Variants in PCSK2 observed in about 807,000 individuals in gnomAD.
The protein encoded by PCSK2 is proprotein convertase subtilisin/kexin type 2.
PCSK2 carries 14 observed loss-of-function variants against 69.7 expected under a neutral mutation model. The observed-to-expected ratio is 0.20, with a 90% CI of 0.13 to 0.31. The LOEUF (loss-of-function observed/expected upper bound fraction) is 0.31, where lower values mean the gene tolerates loss of function less well. Among genes scored for constraint, PCSK2 ranks in the 10% least tolerant of loss-of-function variants. The pLI, the probability that PCSK2 is intolerant of heterozygous loss-of-function variation, is 1.00. For synonymous variants in PCSK2, 307 were observed against 320.7 expected, an observed-to-expected ratio of 0.96 and a Z score of 0.46; for missense variants, 544 against 842.5, an observed-to-expected ratio of 0.65 and a Z score of 4.39.
chr20:17,353,089 A>G (rs1463180141), intron 2 of PCSK2, among the ~76,000 whole-genome samples: 4 of 152,228 alleles, frequency 2.6e-5, no homozygotes, highest in Non-Finnish European at 4.4e-5. Flanking sequence ...AAAATACTCA[A>G]TATCACTAAT....
intron 11 of PCSK2, among the ~76,000 whole-genome samples, chr20:17,476,053 T>C (rs1466602681): frequency 6.6e-6 from 1 of 152,250 alleles, no homozygotes; most frequent in Non-Finnish European, 1.5e-5. Flanking sequence ...GCCTGGCTGC[T>C]TGTCTGCCTA....
intron 2 of PCSK2, among the ~76,000 whole-genome samples, chr20:17,282,386 T>A (rs1988349392): frequency 6.6e-6 from 1 of 152,202 alleles, no homozygotes; most frequent in Admixed American, 6.5e-5. Context: ...CCATTTGCAC[T>A]GAGTCCTCTG....
At chr20:17,228,235 C>G (rs1429238377) in intron 1 of PCSK2, 3 of 152,386 alleles carry the variant, frequency 2.0e-5, no homozygotes, top group African/African-American at 7.2e-5. Flanking sequence ...GCCAGCCTGG[C>G]TTTCCCACTA....
At chr20:17,306,841 T>C (rs1989342279) in intron 2 of PCSK2, among the ~76,000 whole-genome samples, 1 of 152,170 alleles carries the variant, frequency 6.6e-6, no homozygotes. Flanking sequence ...TAATCACAAC[T>C]CTTTTGCCAT....
At chr20:17,235,719 G>T (rs879932860) in intron 1 of PCSK2, among the ~76,000 whole-genome samples, 8 of 152,230 alleles carry the variant, frequency 5.3e-5, no homozygotes, top group African/African-American at 1.9e-4. Context: ...TTTGTTGAAT[G>T]AATTACTTGA....
chr20:17,386,216 T>C (rs1366381527), intron 5 of PCSK2, among the ~76,000 whole-genome samples: 1 of 152,160 alleles, frequency 6.6e-6, no homozygotes, highest in Admixed American at 6.5e-5. Context: ...GCTATGTACA[T>C]TATAAAGCAT....
intron 2 of PCSK2, among the ~76,000 whole-genome samples, chr20:17,320,642 A>G (rs1444034395): frequency 1.3e-5 from 2 of 152,190 alleles, no homozygotes; most frequent in Admixed American, 6.5e-5. Context: ...TCATCCACCC[A>G]ATGGGAAGAA....
chr20:17,430,950 C>T (rs1013881658), intron 7 of PCSK2, among the ~76,000 whole-genome samples: 52 of 152,278 alleles, frequency 3.4e-4, no homozygotes, highest in African/African-American at 1.2e-3. Flanking sequence ...TTTCCATCTC[C>T]TTCTTTTCCT....
chr20:17,243,704 G>A (rs1220250034), intron 1 of PCSK2, among the ~76,000 whole-genome samples: 1 of 152,192 alleles, frequency 6.6e-6, no homozygotes, highest in Non-Finnish European at 1.5e-5. Context: ...ATTTAAGACT[G>A]TGAACAGCGC....
At chr20:17,452,629 G>A (rs533282376) in intron 8 of PCSK2, among the ~76,000 whole-genome samples, 1 of 152,322 alleles carries the variant, frequency 6.6e-6, no homozygotes, top group East Asian at 1.9e-4. Context: ...TCCCTCTAGA[G>A]GGTAACCAAG....
In PCSK2 at chr20:17,453,694, C is replaced by T. The variant is rs1204366034; in HGVS notation, c.886-48C>T. 3.1e-6 allele frequency: 5 copies of T among 1,602,742 alleles called. No homozygotes were observed. Among genetic ancestry groups the T allele is most frequent in the Non-Finnish European group, 3.4e-6 (4 of 1,176,352 alleles). On this transcript the variant is annotated intron_variant, in intron 8 of 11. Transcript: ENST00000262545. The surrounding 1 kb of genome is among the most constrained non-coding windows in gnomAD (Gnocchi z 4.0). ...GGGCTGGAGACCTCCCCTGCCCCCT[C>T]GCAGCCCAGGCTGTGGGTAGCGGCA...
chr20:17,312,326 C>T (rs528653334), intron 2 of PCSK2, among the ~76,000 whole-genome samples: 1 of 152,248 alleles, frequency 6.6e-6, no homozygotes, highest in South Asian at 2.1e-4. Context: ...GAAGTAAATC[C>T]TCTTTTCCTT....
In PCSK2 at chr20:17,453,872, G is replaced by C; in HGVS notation, c.1016G>C (p.Arg339Thr). 8 of 1,614,260 alleles carry C rather than the reference G, an allele frequency of 5.0e-6. No homozygotes were observed. Among genetic ancestry groups the C allele is most frequent in the Non-Finnish European group, 6.8e-6 (8 of 1,180,056 alleles). The change falls in exon 9 of 12, where the codon AGG (arginine) becomes ACG (threonine). Residue 339 changes from arginine to threonine, a missense_variant. By Grantham distance (71) the Arg-to-Thr change is moderately conservative. This residue lies in a region of PCSK2 where 187 missense variants were observed against 399.8 expected (regional missense o/e 0.47). Transcript: ENST00000262545. The surrounding 1 kb of genome is among the most constrained non-coding windows in gnomAD (Gnocchi z 4.0). ...ATCAACTCAGCCATCAACGACGGCA[G>C]GACTGCCCTGTACGACGAGAGCTGC... ...ISINSAINDG[R>T]TALYDESCSS...
At chr20:17,340,718 GT>G (rs947814213) in intron 2 of PCSK2, among the ~76,000 whole-genome samples, 90 of 152,264 alleles carry the variant, frequency 5.9e-4, no homozygotes, top group African/African-American at 2.0e-3. Context: ...GCAGTGCAGT[GT>G]TTTTCCCTGA....
At chr20:17,316,001 G>A (rs551837539) in intron 2 of PCSK2, among the ~76,000 whole-genome samples, 51 of 152,292 alleles carry the variant, frequency 3.3e-4, no homozygotes, top group African/African-American at 1.2e-3. Context: ...TGCTGGGAGC[G>A]AGTGCGCCAC....
In PCSK2 at chr20:17,437,558, C is replaced by T. The variant is rs16999197; in HGVS notation, c.885+675C>T. Among the ~76,000 whole-genome samples the T allele has an allele frequency of 4.1e-3, 619 of 152,294 alleles. 3 individuals carry two copies. Among genetic ancestry groups the T allele is most frequent in the African/African-American group, 0.014 (596 of 41,556 alleles). On this transcript the variant is annotated intron_variant, in intron 8 of 11. Transcript: ENST00000262545. ...GACCAGAGGATTTCTGGGCTCCAGT[C>T]TATCAGGAAGTGACTTAGCCTCGCC...
chr20:17,232,962 G>A (rs1169012344), intron 1 of PCSK2, among the ~76,000 whole-genome samples: 1 of 152,148 alleles, frequency 6.6e-6, no homozygotes, highest in Non-Finnish European at 1.5e-5. Flanking sequence ...TTCATGTTGT[G>A]CCTTAGATCG....
intron 8 of PCSK2, among the ~76,000 whole-genome samples, chr20:17,447,451 C>T (rs2032721717): frequency 6.6e-6 from 1 of 152,090 alleles, no homozygotes; most frequent in African/African-American, 2.4e-5. Flanking sequence ...TTTTTACCCA[C>T]CAAATTGGCA....
chr20:17,387,265 T>C (rs2031260276), intron 5 of PCSK2, among the ~76,000 whole-genome samples: 1 of 152,220 alleles, frequency 6.6e-6, no homozygotes, highest in Admixed American at 6.5e-5. Flanking sequence ...AGTATATTAG[T>C]TACCTATTGC....
Sources: allele counts gnomAD v4.1 joint callset (sites outside exome capture counted in the v4.1 genomes callset), GRCh38; gene constraint gnomAD v4.1.1; regional missense constraint gnomAD v4.1.1; non-coding constraint Gnocchi (gnomAD v3.1); transcripts MANE v1.5; gene names NCBI Gene and HGNC (gene_info 2026-07-23, HGNC 2026-07-21).